PTPRT: variants seen among roughly 807,000 people sequenced by gnomAD.
The protein encoded by PTPRT is receptor-type tyrosine-protein phosphatase T.
A neutral mutation model predicts 176.8 loss-of-function variants in PTPRT; 56 were observed. That is an observed-to-expected ratio of 0.32 (90% CI 0.26 to 0.40). PTPRT has a LOEUF of 0.40. Among genes scored for constraint, PTPRT ranks in the 10% least tolerant of loss-of-function variants. PTPRT has a pLI of 1.00. For missense variants in PTPRT, 1,540 were observed against 1,908.2 expected, an observed-to-expected ratio of 0.81 and a Z score of 3.60; for synonymous variants, 783 against 739.0, an observed-to-expected ratio of 1.06 and a Z score of -0.96.
intron 7 of PTPRT, among the ~76,000 whole-genome samples, chr20:42,524,233 C>T (rs185469441): frequency 1.0e-3 from 156 of 152,222 alleles, no homozygotes; most frequent in African/African-American, 3.3e-3. Flanking sequence ...TTACCAATTT[C>T]CTTGCTCACC....
At chr20:43,156,747 C>T (rs374798850) in intron 1 of PTPRT, among the ~76,000 whole-genome samples, 1 of 152,174 alleles carries the variant, frequency 6.6e-6, no homozygotes, top group South Asian at 2.1e-4. Context: ...AGTTCCTCTT[C>T]AGTCATTGAT....
Position 42,082,062 on chromosome 20 carries a change from C to T in PTPRT, c.4137-45G>A, listed in dbSNP as rs770432872. ...GTGAGCCATGTTCCTAGGTCCCTTC[C>T]AGGCACCTGATGATTCTAAAGCTAC... On this transcript the variant is annotated intron_variant, in intron 29 of 30. Transcript: ENST00000373187. 9.9e-6 allele frequency: 16 copies of T among 1,612,326 alleles called. No homozygotes were observed. The Admixed American group carries it at 1.5e-4, about 15-fold the overall frequency.
the PTPRT span, among the ~76,000 whole-genome samples, chr20:42,050,637 AAT>A: frequency 1.3e-5 from 2 of 152,206 alleles, no homozygotes; most frequent in African/African-American, 2.4e-5. Flanking sequence ...CTTGTGAAGG[AAT>A]ATGTCTATTT....
chr20:42,577,889 C>A (rs1184600254), intron 7 of PTPRT, among the ~76,000 whole-genome samples: 3 of 134,936 alleles, frequency 2.2e-5, no homozygotes, highest in Admixed American at 7.6e-5. Context: ...CCAGTCTAAC[C>A]AAACAAGAGA....
At chr20:42,767,618 C>T (rs1057076855) in intron 5 of PTPRT, among the ~76,000 whole-genome samples, 1 of 148,930 alleles carries the variant, frequency 6.7e-6, no homozygotes, top group African/African-American at 2.5e-5. Context: ...TAAGGAAACA[C>T]TTATTAAAAA....
chr20:42,662,801 T>C (rs1484188394), intron 7 of PTPRT, among the ~76,000 whole-genome samples: 1 of 150,392 alleles, frequency 6.6e-6, no homozygotes, highest in Non-Finnish European at 1.5e-5. Context: ...GGACTGTTTC[T>C]GTACTGTCCA....
intron 1 of PTPRT, among the ~76,000 whole-genome samples, chr20:42,978,402 C>T (rs775295577): frequency 2.0e-5 from 3 of 152,122 alleles, no homozygotes; most frequent in Non-Finnish European, 4.4e-5. Context: ...AATACAGGGT[C>T]AAAGAGTATG....
chr20:42,270,429 G>T (rs2056913982), intron 13 of PTPRT: 5 of 1,550,814 alleles, frequency 3.2e-6, no homozygotes, highest in African/African-American at 1.4e-5. Flanking sequence ...AGTCCCCGGG[G>T]TCACCTGGGC....
At chr20:42,056,577 G>GAATAAGAA in the PTPRT span, among the ~76,000 whole-genome samples, 1 of 152,324 alleles carries the variant, frequency 6.6e-6, no homozygotes, top group African/African-American at 2.4e-5. Context: ...AGAATTTGAT[G>GAATAAGAA]CTGCAAGAAT....
intron 11 of PTPRT, among the ~76,000 whole-genome samples, chr20:42,346,185 T>G (rs772078305): frequency 1.1e-4 from 16 of 151,992 alleles, no homozygotes; most frequent in Non-Finnish European, 2.1e-4. Flanking sequence ...CCATGACTAA[T>G]TAGATGGGAA....
chr20:42,832,581 A>G (rs1249603898), intron 2 of PTPRT, among the ~76,000 whole-genome samples: 1 of 152,090 alleles, frequency 6.6e-6, no homozygotes, highest in Non-Finnish European at 1.5e-5. Context: ...GATGCTGTAA[A>G]AAAGGATCAT....
At chr20:42,688,140 T>G (rs935539715) in intron 6 of PTPRT, 2 of 152,166 alleles carry the variant, frequency 1.3e-5, no homozygotes, top group African/African-American at 4.8e-5. Context: ...GATGGGAGAC[T>G]TCAGATGGAG....
chr20:42,911,783 CCAA>C (rs1380563498), intron 1 of PTPRT, among the ~76,000 whole-genome samples: 1 of 151,982 alleles, frequency 6.6e-6, no homozygotes, highest in African/African-American at 2.4e-5. Flanking sequence ...GACTTTTTTT[CCAA>C]CAACAGATAT....
intron 13 of PTPRT, among the ~76,000 whole-genome samples, chr20:42,261,507 C>G (rs150664552): frequency 6.6e-6 from 1 of 151,368 alleles, no homozygotes; most frequent in Admixed American, 6.6e-5. Flanking sequence ...GAGTCATGAC[C>G]CACACAGCCT....
intron 13 of PTPRT, among the ~76,000 whole-genome samples, chr20:42,266,641 C>T (rs1433752408): frequency 1.3e-5 from 2 of 152,158 alleles, no homozygotes; most frequent in African/African-American, 4.8e-5. Context: ...GTGACTATAG[C>T]CCCTCGCACC....
chr20:43,051,793 A>G (rs1268442168), intron 1 of PTPRT, among the ~76,000 whole-genome samples: 1 of 152,086 alleles, frequency 6.6e-6, no homozygotes, highest in East Asian at 1.9e-4. Context: ...AAACAACTAA[A>G]CCGTTAAAGG....
chr20:42,137,874 C>T (rs1021813291), intron 18 of PTPRT, among the ~76,000 whole-genome samples: 2 of 152,202 alleles, frequency 1.3e-5, no homozygotes, highest in African/African-American at 4.8e-5. Context: ...ATGTCTAAGA[C>T]CCCAATACAC....
At chr20:43,136,897 C>T (rs1478438890) in intron 1 of PTPRT, among the ~76,000 whole-genome samples, 5 of 152,124 alleles carry the variant, frequency 3.3e-5, no homozygotes, top group Non-Finnish European at 7.3e-5. Context: ...TATTTGAAGA[C>T]GTTTCTTTGT....
intron 19 of PTPRT, among the ~76,000 whole-genome samples, chr20:42,121,519 A>G (rs898278049): frequency 1.3e-5 from 2 of 152,108 alleles, no homozygotes; most frequent in African/African-American, 4.8e-5. Context: ...GGTTATGCGT[A>G]CCATGGACTC....
Sources: gnomAD v4.1 joint callset for allele counts (sites outside exome capture counted in the v4.1 genomes callset) on GRCh38, gnomAD v4.1.1 for gene constraint, MANE v1.5 for transcripts, NCBI Gene and HGNC (gene_info 2026-07-23, HGNC 2026-07-21) for gene names.